ZNF804B: variants seen among roughly 807,000 people sequenced by gnomAD.
The protein encoded by ZNF804B is zinc finger 804B.
In ZNF804B, 80 loss-of-function variants were observed where a neutral mutation model predicts 101.4. That is an observed-to-expected ratio of 0.79 (90% CI 0.66 to 0.95). The LOEUF (loss-of-function observed/expected upper bound fraction) is 0.95. Ranked by LOEUF, ZNF804B falls within the 40% of genes least tolerant of loss-of-function variation. The pLI, the probability that ZNF804B is intolerant of heterozygous loss-of-function variation, is 0.00. For synonymous variants in ZNF804B, 622 were observed against 558.8 expected, an observed-to-expected ratio of 1.11 and a Z score of -1.59; for missense variants, 1,673 against 1,561.9, an observed-to-expected ratio of 1.07 and a Z score of -1.20.
intron 1 of ZNF804B, among the ~76,000 whole-genome samples, chr7:89,066,109 A>C (rs987004573): frequency 6.6e-6 from 1 of 152,158 alleles, no homozygotes. Context: ...GTCACACTTT[A>C]CCTAAGGTTT....
chr7:89,324,045 A>G (rs1790861300), intron 2 of ZNF804B, among the ~76,000 whole-genome samples: 1 of 151,658 alleles, frequency 6.6e-6, no homozygotes, highest in Non-Finnish European at 1.5e-5. Context: ...CCATCTGTCC[A>G]GTGATTGATA....
chr7:89,192,483 C>T (rs1341506872), intron 1 of ZNF804B, among the ~76,000 whole-genome samples: 1 of 151,854 alleles, frequency 6.6e-6, no homozygotes, highest in Non-Finnish European at 1.5e-5. Flanking sequence ...TGAAGTCAGA[C>T]AAATATAGTG....
chr7:88,871,761 C>T (rs536895358), intron 1 of ZNF804B, among the ~76,000 whole-genome samples: 3 of 152,036 alleles, frequency 2.0e-5, no homozygotes, highest in South Asian at 4.1e-4. Context: ...GTCAGGAGTT[C>T]GAGACCAGCC....
At chr7:88,868,053 G>A (rs1480669504) in intron 1 of ZNF804B, among the ~76,000 whole-genome samples, 1 of 107,742 alleles carries the variant, frequency 9.3e-6, no homozygotes, top group African/African-American at 3.8e-5. Flanking sequence ...GTGTGAGTGT[G>A]TGTGTGTGTG....
rs184799855 is a variant in ZNF804B at position 89,249,306 on chromosome 7, T to C, written c.249+31011T>C. Among the ~76,000 whole-genome samples, 3 of 152,296 alleles carry C rather than the reference T, an allele frequency of 2.0e-5. No individual in the cohort carries two copies. The East Asian group carries it at 5.8e-4, about 29-fold the overall frequency. Reference sequence around the variant, plus strand: ...CCTAATATATATGTACAGAACACTCTACACATCAACCACAGAATATACATT... The same window carrying C: ...CCTAATATATATGTACAGAACACTCCACACATCAACCACAGAATATACATT... On this transcript the variant is annotated intron_variant, in intron 2 of 3. Transcript: ENST00000333190.
intron 3 of ZNF804B, among the ~76,000 whole-genome samples, chr7:89,329,983 G>A (rs1584128707): frequency 6.6e-6 from 1 of 151,644 alleles, no homozygotes; most frequent in South Asian, 2.1e-4. Context: ...GAATCAAAAT[G>A]TGCATTTGTT....
chr7:88,890,225 C>G (rs920318883), intron 1 of ZNF804B, among the ~76,000 whole-genome samples: 4 of 152,016 alleles, frequency 2.6e-5, no homozygotes, highest in African/African-American at 9.7e-5. Context: ...TTTCTCTGAA[C>G]TATTTTTAGT....
At chr7:88,975,238 A>G (rs1793600321) in intron 1 of ZNF804B, among the ~76,000 whole-genome samples, 1 of 151,394 alleles carries the variant, frequency 6.6e-6, no homozygotes, top group African/African-American at 2.4e-5. Context: ...TGCAATAAAC[A>G]TGGGAGGGCA....
At chr7:88,867,609 A>G (rs1427466487) in intron 1 of ZNF804B, among the ~76,000 whole-genome samples, 1 of 152,204 alleles carries the variant, frequency 6.6e-6, no homozygotes, top group African/African-American at 2.4e-5. Context: ...ACATCTAGAA[A>G]TCATGTTGTA....
At chr7:88,917,449 G>T (rs1182059605) in intron 1 of ZNF804B, among the ~76,000 whole-genome samples, 2 of 152,062 alleles carry the variant, frequency 1.3e-5, no homozygotes, top group Non-Finnish European at 2.9e-5. Flanking sequence ...AAACATTTCT[G>T]TCATGAACCT....
intron 1 of ZNF804B, among the ~76,000 whole-genome samples, chr7:88,923,027 A>G (rs1488954971): frequency 6.6e-6 from 1 of 152,096 alleles, no homozygotes; most frequent in Non-Finnish European, 1.5e-5. Flanking sequence ...TATATATTCC[A>G]TATTTTTCCA....
chr7:89,140,204 T>C (rs929384863), intron 1 of ZNF804B, among the ~76,000 whole-genome samples: 2 of 152,016 alleles, frequency 1.3e-5, no homozygotes, highest in African/African-American at 4.8e-5. Context: ...TATAAAACCA[T>C]GCTGTAAAAA....
intron 1 of ZNF804B, among the ~76,000 whole-genome samples, chr7:89,002,977 A>G (rs1788310943): frequency 6.6e-6 from 1 of 151,918 alleles, no homozygotes; most frequent in Admixed American, 6.6e-5. Context: ...TGGTGATTAA[A>G]GGCAGTTATT....
intron 2 of ZNF804B, among the ~76,000 whole-genome samples, chr7:89,312,520 A>G (rs73384399): frequency 0.026 from 3,903 of 152,296 alleles, 139 homozygotes; most frequent in African/African-American, 0.088. Context: ...TTGTGGCACA[A>G]TTGGTCCTTA....
intron 1 of ZNF804B, among the ~76,000 whole-genome samples, chr7:89,161,662 T>A (rs1489374861): frequency 9.9e-6 from 1 of 100,992 alleles, no homozygotes; most frequent in Admixed American, 9.8e-5. Flanking sequence ...GTGCTGGAAT[T>A]ACAAGGCATG....
chr7:89,018,218 G>A (rs1230953231), intron 1 of ZNF804B, among the ~76,000 whole-genome samples: 1 of 151,762 alleles, frequency 6.6e-6, no homozygotes, highest in Admixed American at 6.6e-5. Flanking sequence ...GAGAATTTTT[G>A]TTATAAACAG....
At chr7:88,962,851 A>T (rs1473792228) in intron 1 of ZNF804B, among the ~76,000 whole-genome samples, 1 of 150,090 alleles carries the variant, frequency 6.7e-6, no homozygotes, top group African/African-American at 2.4e-5. Flanking sequence ...CTGTAACAGA[A>T]ATGTGTACAG....
intron 1 of ZNF804B, among the ~76,000 whole-genome samples, chr7:88,904,444 T>G (rs1792437986): frequency 6.6e-6 from 1 of 152,184 alleles, no homozygotes; most frequent in Admixed American, 6.5e-5. Flanking sequence ...AGGCCTTTTT[T>G]GGTTCCACAT....
At position 89,269,750 on chromosome 7, in the gene ZNF804B, A is replaced by G. The variant is rs188338729; in HGVS notation, c.249+51455A>G. 1.8e-3 allele frequency among the ~76,000 whole-genome samples: 277 copies of G among 151,996 alleles called. 4 individuals are homozygous for G. The highest frequency in any genetic ancestry group is 0.017 in the Admixed American group (259 of 15,238). ...GTTGTTTCCTGACTTTGTAATGATCACCATTCTAACTGGTGTGAGATGGTA... is the reference window on the plus strand; with the variant it reads ...GTTGTTTCCTGACTTTGTAATGATCGCCATTCTAACTGGTGTGAGATGGTA... On this transcript the variant is annotated intron_variant, in intron 2 of 3. Coordinates refer to ENST00000333190, the MANE Select transcript of ZNF804B (RefSeq NM_181646.5).
Sources: allele counts gnomAD v4.1 joint callset (sites outside exome capture counted in the v4.1 genomes callset), GRCh38; gene constraint gnomAD v4.1.1; transcripts MANE v1.5; gene names NCBI Gene and HGNC (gene_info 2026-07-23, HGNC 2026-07-21).